The following WDR3 variants were observed in gnomAD, a reference collection of about 807,000 sequenced individuals.
WDR3 encodes WD repeat domain 3.
A neutral mutation model predicts 123.7 loss-of-function variants in WDR3; 81 were observed. The ratio of observed to expected loss-of-function variants is 0.65; its 90% CI spans 0.55 to 0.79. The LOEUF (loss-of-function observed/expected upper bound fraction) is 0.79, where lower values mean the gene tolerates loss of function less well. Among genes scored for constraint, WDR3 ranks in the 30% least tolerant of loss-of-function variants. WDR3 has a pLI of 0.00. For missense variants in WDR3, 1,027 were observed against 1,123.2 expected (o/e 0.91, Z 1.22); for synonymous variants, 390 against 388.8 (o/e 1.00, Z -0.04).
rs1315910711 is a variant in WDR3 at position 117,962,335 on chromosome 1, G to A, written c.*2888G>A. 6.6e-6 allele frequency: 1 copy of A among 152,172 alleles called. No individual in the cohort carries two copies. The highest frequency in any genetic ancestry group is 2.4e-5 in the African/African-American group (1 of 41,428). The allele number at this position is 152,172 out of a possible 1,614,324, so 9.4% of individuals were successfully genotyped here. On this transcript the variant is annotated 3_prime_UTR_variant, in exon 27 of 27. Transcript: ENST00000349139. Reference sequence around the variant, plus strand: ...AAATTTTAAGCCAGGCAAATTTCTAGTCATTAAGTCAGTATTCATTGCCTT... The same window carrying A: ...AAATTTTAAGCCAGGCAAATTTCTAATCATTAAGTCAGTATTCATTGCCTT...
rs1650964460 is a variant in WDR3 at position 117,936,983 on chromosome 1, T to G, written c.500+96T>G. The G allele has an allele frequency of 6.1e-6, 6 of 978,472 alleles. No individual in the cohort carries two copies. In the East Asian group the frequency reaches 1.2e-4, roughly 20 times the overall value. 60.6% of individuals were successfully genotyped at this position (978,472 alleles called of 1,614,324 possible). A position where few individuals can be genotyped will look rare whatever the true frequency, so the allele number is the denominator to read the frequency against. ...TCTCTCATGAGCAGTGTGCTCATGCTTATGCATTAGTTTTCTCTCCTGTTC... is the reference window on the plus strand; with the variant it reads ...TCTCTCATGAGCAGTGTGCTCATGCGTATGCATTAGTTTTCTCTCCTGTTC... On this transcript the variant is annotated intron_variant, in intron 4 of 26. Transcript: ENST00000349139.
intron 21 of WDR3, 63 bp downstream of exon 21, chr1:117,953,604 T>G (rs1250950276): frequency 6.4e-7 from 1 of 1,562,790 alleles, no homozygotes; most frequent in African/African-American, 1.4e-5. Context: ...TAGTAAAAGT[T>G]TTATTCTGTA....
intron 3 of WDR3, among the ~76,000 whole-genome samples, chr1:117,935,883 GAA>G (rs1284429130): frequency 6.6e-6 from 1 of 151,788 alleles, no homozygotes; most frequent in African/African-American, 2.4e-5. Context: ...AATATAAAAA[GAA>G]AGGATTAGTA....
At chr1:117,946,322 G>C (rs950594158) in intron 12 of WDR3, 143 bp downstream of exon 12, 4 of 525,268 alleles carry the variant, frequency 7.6e-6, no homozygotes, top group Admixed American at 8.0e-5. Context: ...TACATATTTT[G>C]TTTACTGAAG....
chr1:117,956,234 T>C (rs1241904770), intron 24 of WDR3, among the ~76,000 whole-genome samples: 2 of 152,334 alleles, frequency 1.3e-5, no homozygotes, highest in Admixed American at 1.3e-4. Flanking sequence ...CCCAACATTT[T>C]GGGACACTTG....
At chr1:117,932,685 G>A (rs1430986536) in intron 1 of WDR3, among the ~76,000 whole-genome samples, 1 of 152,112 alleles carries the variant, frequency 6.6e-6, no homozygotes, top group African/African-American at 2.4e-5. Context: ...TGGTTTAATG[G>A]GCAGAAGTAA....
intron 5 of WDR3, among the ~76,000 whole-genome samples, chr1:117,939,057 A>G (rs778718624): frequency 6.6e-6 from 1 of 152,320 alleles, no homozygotes; most frequent in East Asian, 1.9e-4. Context: ...ATTTGCAACA[A>G]TATTATTTTC....
chr1:117,946,222 C>A (rs1334271923), intron 12 of WDR3, 43 bp downstream of exon 12: 5 of 1,509,500 alleles, frequency 3.3e-6, no homozygotes, highest in Admixed American at 1.9e-5. Flanking sequence ...CTTTTCTACT[C>A]AAAATTCATA....
At chr1:117,934,941 G>A (rs1159795284) in intron 3 of WDR3, among the ~76,000 whole-genome samples, 1 of 152,180 alleles carries the variant, frequency 6.6e-6, no homozygotes, top group African/African-American at 2.4e-5. Context: ...TATTGTGGAA[G>A]TGCTACGCAA....
chr1:117,957,395 G>GA (rs1470381124), intron 25 of WDR3, among the ~76,000 whole-genome samples, 199 bp downstream of exon 25: 2 of 152,110 alleles, frequency 1.3e-5, no homozygotes, highest in African/African-American at 4.8e-5. Flanking sequence ...CAAGCAATCA[G>GA]TCTTGCCTTT....
chr1:117,933,504 G>T lies in WDR3; in HGVS notation c.171+14G>T. ...AAAGGAGAGAAGGTGAGCCTAAAAT[G>T]ACCAGTTTGATACTGATTTATTGGT... On this transcript the variant is annotated intron_variant, in intron 2 of 26. Transcript: ENST00000349139. 1 of 1,613,850 alleles carries T rather than the reference G, an allele frequency of 6.2e-7. No homozygotes were observed. Among genetic ancestry groups the T allele is most frequent in the South Asian group, 1.1e-5 (1 of 90,946 alleles).
intron 23 of WDR3, chr1:117,955,087 C>A: frequency 2.2e-6 from 1 of 448,682 alleles, no homozygotes; most frequent in Non-Finnish European, 3.9e-6. Flanking sequence ...GGTATCTTCA[C>A]CTTATAGATA....
rs772122288 is a variant in WDR3 at position 117,963,963 on chromosome 1, CT to C, written c.*4520del. 6.3e-7 allele frequency: 1 copy of C among 1,592,812 alleles called. No homozygotes were observed. Among genetic ancestry groups the C allele is most frequent in the South Asian group, 1.1e-5 (1 of 88,786 alleles). On this transcript the variant is annotated 3_prime_UTR_variant, in exon 27 of 27. Transcript: ENST00000349139. ...GGTAAAATACTTGTTAAGGGCTGTG[CT>C]TTTCATGACTAAATTATTTGCATAT...
chr1:117,954,059 TGAAG>T lies in WDR3; in HGVS notation c.2325_2328del (p.Lys775AsnfsTer21). 1 of 1,611,366 alleles carries T rather than the reference TGAAG, an allele frequency of 6.2e-7. No homozygotes were observed. The highest frequency in any genetic ancestry group is 1.1e-5 in the South Asian group (1 of 90,836). The stretch of plus-strand genomic sequence containing the variant: ...TTGTACCGAGAAGAAACTGCAAAAA[TGAAG>T]GAACACAAAGCCATTTGTAAAGCTG... On this transcript the variant is annotated frameshift_variant, in exon 22 of 27. Transcript: ENST00000349139. LOFTEE classifies it high-confidence loss of function.
intron 1 of WDR3, among the ~76,000 whole-genome samples, chr1:117,931,753 A>C (rs569565706): frequency 6.6e-6 from 1 of 152,362 alleles, no homozygotes; most frequent in African/African-American, 2.4e-5. Context: ...AGGAATTGGG[A>C]AAGAATTAAT....
intron 1 of WDR3, among the ~76,000 whole-genome samples, chr1:117,931,377 T>C (rs1650728003): frequency 6.6e-6 from 1 of 152,252 alleles, no homozygotes; most frequent in South Asian, 2.1e-4. Context: ...TCTCTAAATC[T>C]TGGCTGCTAT....
intron 16 of WDR3, 129 bp from the exon 17 acceptor site, chr1:117,951,847 G>C: frequency 1.2e-6 from 1 of 808,240 alleles, no homozygotes; most frequent in Non-Finnish European, 1.9e-6. Context: ...GTTTTTAGTA[G>C]AGATGAAAAT....
chr1:117,948,532 T>C, intron 13 of WDR3, 26 bp downstream of exon 13: 2 of 1,589,450 alleles, frequency 1.3e-6, no homozygotes, highest in South Asian at 1.1e-5. Flanking sequence ...TTTAAAGCCC[T>C]GGAGTTCAGC....
intron 17 of WDR3, 47 bp downstream of exon 17, chr1:117,952,123 T>TA: frequency 5.7e-6 from 9 of 1,578,714 alleles, no homozygotes; most frequent in Non-Finnish European, 7.8e-6. Context: ...ACCTGTAAGT[T>TA]ATCACTTTCC....
Sources: allele counts gnomAD v4.1 joint callset (sites outside exome capture counted in the v4.1 genomes callset), GRCh38; gene constraint gnomAD v4.1.1; transcripts MANE v1.5; gene names NCBI Gene and HGNC (gene_info 2026-07-23, HGNC 2026-07-21).